Variants in EPHA3 observed in about 807,000 individuals in gnomAD.
The protein encoded by EPHA3 is ephrin type-A receptor 3.
EPHA3 carries 42 observed loss-of-function variants against 107.1 expected under a neutral mutation model. That is an observed-to-expected ratio of 0.39 (90% CI 0.31 to 0.51). The LOEUF (loss-of-function observed/expected upper bound fraction) is 0.51. EPHA3 is among the 20% of genes least tolerant of loss of function. The probability of loss-of-function intolerance (pLI) is 0.78; values close to 1 mark genes in which losing one functional copy is unlikely to be tolerated. For synonymous variants in EPHA3, 461 were observed against 424.8 expected, an observed-to-expected ratio of 1.09 and a Z score of -1.05; for missense variants, 1,183 against 1,211.2, an observed-to-expected ratio of 0.98 and a Z score of 0.35.
chr3:89,305,211 C>A (rs1706586196), intron 3 of EPHA3, among the ~76,000 whole-genome samples: 1 of 152,088 alleles, frequency 6.6e-6, no homozygotes, highest in African/African-American at 2.4e-5. Context: ...AAATCATCTT[C>A]CTATTCTGAA....
At chr3:89,345,175 ATAATGATCTCAGAC>A (rs1313384231) in intron 5 of EPHA3, among the ~76,000 whole-genome samples, 10 of 151,236 alleles carry the variant, frequency 6.6e-5, no homozygotes, top group African/African-American at 2.4e-4. Flanking sequence ...TCTATAGCAT[ATAATGATCTCAGAC>A]TAGAATAAGG....
intron 15 of EPHA3, among the ~76,000 whole-genome samples, chr3:89,467,869 A>G (rs1576393741): frequency 1.3e-5 from 2 of 152,178 alleles, no homozygotes; most frequent in South Asian, 4.1e-4. Context: ...AAAAGCTGTA[A>G]AAGATCAGGT....
chr3:89,336,214 G>A (rs75451665), intron 3 of EPHA3, among the ~76,000 whole-genome samples: 7,115 of 152,134 alleles, frequency 0.047, 504 homozygotes, highest in African/African-American at 0.16. Flanking sequence ...CTATAAAAAT[G>A]CTTAAATGAG....
intron 3 of EPHA3, among the ~76,000 whole-genome samples, chr3:89,258,293 G>A (rs1705333620): frequency 6.6e-6 from 1 of 152,202 alleles, no homozygotes; most frequent in African/African-American, 2.4e-5. Context: ...CGACAAGCAA[G>A]TGTGATATGT....
chr3:89,422,050 A>G (rs1345683564), intron 11 of EPHA3, among the ~76,000 whole-genome samples: 1 of 151,216 alleles, frequency 6.6e-6, no homozygotes, highest in Non-Finnish European at 1.5e-5. Context: ...GTCATCTCAT[A>G]TATTGTAAAT....
At position 89,143,826 on chromosome 3, in the gene EPHA3, G is replaced by A. The variant is rs190338565; in HGVS notation, c.153+16553G>A. Among the ~76,000 whole-genome samples the A allele has an allele frequency of 2.4e-4, 36 of 151,598 alleles. No homozygotes were observed. In the East Asian group the frequency reaches 6.6e-3, roughly 28 times the overall value. On this transcript the variant is annotated intron_variant, in intron 2 of 16. Transcript: ENST00000336596. Reference sequence around the variant, plus strand: ...AATCCAGGGTATCACATTGCATTTAGTAGGAAGGAATTTTTTTCTTTTCTA... The same window carrying A: ...AATCCAGGGTATCACATTGCATTTAATAGGAAGGAATTTTTTTCTTTTCTA...
At chr3:89,125,358 T>G (rs1469261802) in intron 1 of EPHA3, among the ~76,000 whole-genome samples, 2 of 151,818 alleles carry the variant, frequency 1.3e-5, no homozygotes, top group Non-Finnish European at 3.0e-5. Context: ...ATATCTTTTA[T>G]CAGAATAAAT....
chr3:89,333,645 G>A (rs1034922811), intron 3 of EPHA3, among the ~76,000 whole-genome samples: 3 of 152,072 alleles, frequency 2.0e-5, no homozygotes, highest in Non-Finnish European at 4.4e-5. Context: ...AGGTTGAGGC[G>A]GGGAGATCAC....
chr3:89,177,795 A>T (rs1381604144), intron 2 of EPHA3, among the ~76,000 whole-genome samples: 3 of 151,998 alleles, frequency 2.0e-5, no homozygotes, highest in Non-Finnish European at 4.4e-5. Context: ...TTATATTTGC[A>T]TTCACTGTTT....
intron 15 of EPHA3, among the ~76,000 whole-genome samples, chr3:89,470,560 G>C (rs1349575501): frequency 6.6e-6 from 1 of 152,168 alleles, no homozygotes; most frequent in Non-Finnish European, 1.5e-5. Flanking sequence ...AATTCACCAA[G>C]GTCACACAAA....
intron 2 of EPHA3, among the ~76,000 whole-genome samples, chr3:89,157,881 G>T (rs981110297): frequency 6.6e-6 from 1 of 151,358 alleles, no homozygotes; most frequent in African/African-American, 2.4e-5. Flanking sequence ...AAAAGGGAAA[G>T]AAGTCAGGGG....
At position 89,204,480 on chromosome 3, in the gene EPHA3, CCACACACA is replaced by C. The variant is rs57892338; in HGVS notation, c.154-5360_154-5353del. On this transcript the variant is annotated intron_variant, in intron 2 of 16. Transcript: ENST00000336596. ...AAATGTAATTCTCTGATTTGACACACCACACACACACACACACACACACACACCCCAAA... is the reference window on the plus strand; with the variant it reads ...AAATGTAATTCTCTGATTTGACACACCACACACACACACACACACCCCAAA... 1.8e-3 allele frequency among the ~76,000 whole-genome samples: 268 copies of C among 149,668 alleles called. 1 individual carries two copies. The highest frequency in any genetic ancestry group is 5.6e-3 in the African/African-American group (229 of 40,824).
At chr3:89,224,394 C>G (rs929044772) in intron 3 of EPHA3, among the ~76,000 whole-genome samples, 5 of 152,078 alleles carry the variant, frequency 3.3e-5, no homozygotes, top group Non-Finnish European at 4.4e-5. Flanking sequence ...TTAGGTAACA[C>G]CAAATTTGCC....
At chr3:89,171,448 G>C (rs904024315) in intron 2 of EPHA3, among the ~76,000 whole-genome samples, 1 of 152,062 alleles carries the variant, frequency 6.6e-6, no homozygotes, top group Non-Finnish European at 1.5e-5. Flanking sequence ...GGATATAATA[G>C]GTGTTTTTCT....
At chr3:89,133,743 C>G (rs929600382) in intron 2 of EPHA3, among the ~76,000 whole-genome samples, 1 of 152,116 alleles carries the variant, frequency 6.6e-6, no homozygotes, top group Non-Finnish European at 1.5e-5. Flanking sequence ...TTGCAGTTTT[C>G]GATGCCTCTC....
At chr3:89,425,049 G>A in intron 11 of EPHA3, among the ~76,000 whole-genome samples, 1 of 151,234 alleles carries the variant, frequency 6.6e-6, no homozygotes, top group South Asian at 2.1e-4. Flanking sequence ...CTGGCACAGT[G>A]GTAGGTGTTG....
chr3:89,300,360 T>C lies in EPHA3; in HGVS notation c.815-40556T>C, dbSNP rs532100057. Among the ~76,000 whole-genome samples the C allele has an allele frequency of 4.6e-5, 7 of 152,208 alleles. 1 individual carries two copies. Among genetic ancestry groups the C allele is most frequent in the African/African-American group, 1.7e-4 (7 of 41,584 alleles). ...TTATATGTAAAGTTATATATTAATA[T>C]GTAAAGTATATGTTTCAAACTTATA... On this transcript the variant is annotated intron_variant, in intron 3 of 16. Coordinates refer to ENST00000336596, the MANE Select transcript of EPHA3 (RefSeq NM_005233.6).
chr3:89,108,320 G>C (rs1374993354), intron 1 of EPHA3, among the ~76,000 whole-genome samples: 1 of 152,182 alleles, frequency 6.6e-6, no homozygotes, highest in Non-Finnish European at 1.5e-5. Context: ...GGAAATCAGA[G>C]TTTGTCGAAG....
intron 3 of EPHA3, among the ~76,000 whole-genome samples, chr3:89,227,633 C>G (rs760549558): frequency 5.9e-5 from 9 of 152,084 alleles, no homozygotes; most frequent in Non-Finnish European, 1.3e-4. Context: ...AGTGAGTCTT[C>G]TATTTGTGCA....
Sources: gnomAD v4.1 joint callset for allele counts (sites outside exome capture counted in the v4.1 genomes callset) on GRCh38, gnomAD v4.1.1 for gene constraint, MANE v1.5 for transcripts, NCBI Gene and HGNC (gene_info 2026-07-23, HGNC 2026-07-21) for gene names.